RANBP2: variants seen among roughly 807,000 people sequenced by gnomAD.
The protein encoded by RANBP2 is E3 SUMO-protein ligase RanBP2.
A neutral mutation model predicts 303.6 loss-of-function variants in RANBP2; 57 were observed. The observed-to-expected ratio is 0.19, with a 90% confidence interval of 0.15 to 0.23. The LOEUF is 0.23. Ranked by LOEUF, RANBP2 falls within the 10% of genes least tolerant of loss-of-function variation. The probability of loss-of-function intolerance (pLI) is 1.00; values close to 1 mark genes in which losing one functional copy is unlikely to be tolerated. For synonymous variants in RANBP2, 1,167 were observed against 1,301.5 expected, an observed-to-expected ratio of 0.90 and a Z score of 2.23; for missense variants, 3,138 against 3,780.8, an observed-to-expected ratio of 0.83 and a Z score of 4.46.
the RANBP2 span, among the ~76,000 whole-genome samples, chr2:108,834,243 C>T: frequency 2.1e-5 from 3 of 140,446 alleles, no homozygotes; most frequent in Admixed American, 7.0e-5. Context: ...GACAGAGTCT[C>T]GCTCTGTCAC....
At chr2:109,379,349 T>A in the RANBP2 span, among the ~76,000 whole-genome samples, 25 of 152,320 alleles carry the variant, frequency 1.6e-4, 1 homozygote, top group East Asian at 3.9e-3. Flanking sequence ...AAAACGCCTT[T>A]AAAGTCATGG....
chr2:109,461,389 G>A, the RANBP2 span, among the ~76,000 whole-genome samples: 450 of 151,950 alleles, frequency 3.0e-3, 3 homozygotes, highest in African/African-American at 0.01. Flanking sequence ...AGACCTGCGC[G>A]GTGATCCACC....
At chr2:108,924,794 C>A in the RANBP2 span, among the ~76,000 whole-genome samples, 1 of 152,258 alleles carries the variant, frequency 6.6e-6, no homozygotes, top group South Asian at 2.1e-4. Flanking sequence ...TACAGCTAAG[C>A]CTCTCGCAAA....
the RANBP2 span, among the ~76,000 whole-genome samples, chr2:109,675,922 A>G: frequency 1.3e-5 from 2 of 152,148 alleles, no homozygotes. Flanking sequence ...CCACCTCGAA[A>G]TGGACTGTTT....
chr2:109,490,715 C>T, the RANBP2 span: 30 of 1,534,712 alleles, frequency 2.0e-5, no homozygotes, highest in East Asian at 7.4e-5. Context: ...TGGCCGTGGA[C>T]GCCCTGCTCC....
the RANBP2 span, among the ~76,000 whole-genome samples, chr2:109,236,817 G>C: frequency 1.3e-5 from 2 of 152,180 alleles, no homozygotes; most frequent in African/African-American, 4.8e-5. Flanking sequence ...CATTTAAGAG[G>C]ACTCTCCTCA....
chr2:109,777,352 C>A, the RANBP2 span, among the ~76,000 whole-genome samples: 3 of 147,090 alleles, frequency 2.0e-5, 1 homozygote, highest in South Asian at 4.5e-4. Context: ...AGACTTTAAT[C>A]TATTAATATA....
the RANBP2 span, among the ~76,000 whole-genome samples, chr2:109,089,204 G>A: frequency 1.3e-5 from 2 of 152,168 alleles, no homozygotes; most frequent in African/African-American, 4.8e-5. Flanking sequence ...TCCAGTGAGG[G>A]CAGGAGGAAA....
chr2:109,037,079 G>C, the RANBP2 span, among the ~76,000 whole-genome samples: 1 of 152,030 alleles, frequency 6.6e-6, no homozygotes, highest in Admixed American at 6.5e-5. Flanking sequence ...AACCCTGGAG[G>C]TGGAGGTTGC....
the RANBP2 span, among the ~76,000 whole-genome samples, chr2:109,572,209 C>G: frequency 6.6e-6 from 1 of 152,088 alleles, no homozygotes; most frequent in African/African-American, 2.4e-5. Flanking sequence ...TGGCTCACTG[C>G]AAGCTCTGCC....
At chr2:109,578,422 TAA>T in the RANBP2 span, among the ~76,000 whole-genome samples, 4 of 152,128 alleles carry the variant, frequency 2.6e-5, no homozygotes, top group African/African-American at 4.8e-5. Flanking sequence ...TACGTAATAA[TAA>T]AAGTGTCAAT....
chr2:109,492,650 A>G, the RANBP2 span, among the ~76,000 whole-genome samples: 1 of 152,148 alleles, frequency 6.6e-6, no homozygotes, highest in Non-Finnish European at 1.5e-5. Flanking sequence ...GAGGTTTTGT[A>G]AAAGGCTAGG....
intron 23 of RANBP2, among the ~76,000 whole-genome samples, chr2:108,774,700 G>T (rs1677753198): frequency 1.4e-5 from 2 of 142,250 alleles, no homozygotes; most frequent in African/African-American, 5.1e-5. Context: ...TTTTTTTCTA[G>T]TTTCTTTTTT....
chr2:109,158,699 A>G, the RANBP2 span, among the ~76,000 whole-genome samples: 2 of 152,230 alleles, frequency 1.3e-5, no homozygotes, highest in Non-Finnish European at 2.9e-5. Context: ...TGAGAATCAG[A>G]TGTAATTATG....
the RANBP2 span, among the ~76,000 whole-genome samples, chr2:109,522,882 GAGAGA>G: frequency 2.0e-5 from 3 of 152,236 alleles, no homozygotes; most frequent in Non-Finnish European, 4.4e-5. Flanking sequence ...ATGACCAGGA[GAGAGA>G]AGAGTGCTTC....
At chr2:109,064,235 C>T in the RANBP2 span, among the ~76,000 whole-genome samples, 220 of 151,910 alleles carry the variant, frequency 1.4e-3, no homozygotes, top group African/African-American at 5.0e-3. Context: ...TTTGGGATGC[C>T]GAGGTGGGCG....
chr2:108,882,939 G>A, the RANBP2 span: 5 of 151,930 alleles, frequency 3.3e-5, no homozygotes, highest in Admixed American at 1.3e-4. Flanking sequence ...TAGGAGCATC[G>A]AGATTAAAGG....
the RANBP2 span, among the ~76,000 whole-genome samples, chr2:109,477,613 GGTGTGT>G: frequency 0.025 from 3,751 of 148,818 alleles, 127 homozygotes; most frequent in African/African-American, 0.084. Context: ...GCCACAGATG[GGTGTGT>G]GTGTGTGTGT....
At chr2:109,280,556 T>C in the RANBP2 span, among the ~76,000 whole-genome samples, 3 of 152,218 alleles carry the variant, frequency 2.0e-5, no homozygotes, top group Non-Finnish European at 4.4e-5. Flanking sequence ...CATTGAAATA[T>C]GGGGTTTCAG....
Sources: allele counts gnomAD v4.1 joint callset (sites outside exome capture counted in the v4.1 genomes callset), GRCh38; gene constraint gnomAD v4.1.1; transcripts MANE v1.5; gene names NCBI Gene and HGNC (gene_info 2026-07-23, HGNC 2026-07-21).